Variants in SLC35E3 observed in about 807,000 individuals in gnomAD.
SLC35E3 encodes solute carrier family 35 member E3.
A neutral mutation model predicts 30.8 loss-of-function variants in SLC35E3; 28 were observed. The observed-to-expected ratio is 0.91, with a 90% CI of 0.67 to 1.25. SLC35E3 has a LOEUF of 1.25. SLC35E3 is among the 50% of genes most tolerant of loss of function. SLC35E3 has a pLI of 0.00. For synonymous variants in SLC35E3, 146 were observed against 149.2 expected (o/e 0.98, Z 0.16); for missense variants, 365 against 375.4 (o/e 0.97, Z 0.23).
Position 68,779,375 on chromosome 12 carries a change from G to A in SLC35E3, c.*14485G>A, listed in dbSNP as rs1472302853. 1 of 152,180 alleles carries A rather than the reference G, an allele frequency of 6.6e-6. No individual in the cohort carries two copies. The highest frequency in any genetic ancestry group is 6.5e-5 in the Admixed American group (1 of 15,272). The allele number at this position is 152,180 out of a possible 1,614,324, so 9.4% of individuals were successfully genotyped here. A position where few individuals can be genotyped will look rare whatever the true frequency, so the allele number is the denominator to read the frequency against. ...TTAAGCCATCTTTAAGAAACTTAAT[G>A]TTGAGAATGTTCTAGAATAGTGAGT... On this transcript the variant is annotated 3_prime_UTR_variant, in exon 5 of 5. Coordinates refer to ENST00000398004, the MANE Select transcript of SLC35E3 (RefSeq NM_018656.5).
intron 4 of SLC35E3, among the ~76,000 whole-genome samples, chr12:68,763,320 G>A (rs1049047267): frequency 6.6e-6 from 1 of 152,076 alleles, no homozygotes; most frequent in Non-Finnish European, 1.5e-5. Flanking sequence ...GAACAAGAGA[G>A]TACTCATTTA....
At chr12:68,759,265 T>A (rs1168028176) in intron 4 of SLC35E3, 26 bp downstream of exon 4, 2 of 1,535,070 alleles carry the variant, frequency 1.3e-6, no homozygotes, top group Admixed American at 3.5e-5. Flanking sequence ...AACTTAGAAA[T>A]GCATCGTCTT....
Position 68,778,423 on chromosome 12 carries a change from A to G in SLC35E3, c.*13533A>G, listed in dbSNP as rs1362872085. 1 of 152,248 alleles carries G rather than the reference A, an allele frequency of 6.6e-6. No homozygotes were observed. Among genetic ancestry groups the G allele is most frequent in the Non-Finnish European group, 1.5e-5 (1 of 68,048 alleles). The allele number at this position is 152,248 out of a possible 1,614,324, so 9.4% of individuals were successfully genotyped here. On this transcript the variant is annotated 3_prime_UTR_variant, in exon 5 of 5. Transcript: ENST00000398004. ...CCTTTCAAGTACCTGAGGAATGTTT[A>G]TAACAGTAAAGATGAACAGAGATCA...
At position 68,775,578 on chromosome 12, in the gene SLC35E3, C is replaced by G. The variant is rs1565722263; in HGVS notation, c.*10688C>G. On this transcript the variant is annotated 3_prime_UTR_variant, in exon 5 of 5. Transcript: ENST00000398004. ...CAGTCACCTTTTAAAGGCGCCATCT[C>G]TCAATATTGCCACATTGGGGATGTT... 1 of 152,220 alleles carries G rather than the reference C, an allele frequency of 6.6e-6. No homozygotes were observed. Among genetic ancestry groups the G allele is most frequent in the African/African-American group, 2.4e-5 (1 of 41,438 alleles). The allele number at this position is 152,220 out of a possible 1,614,324, so 9.4% of individuals were successfully genotyped here. A position where few individuals can be genotyped will look rare whatever the true frequency, so the allele number is the denominator to read the frequency against.
rs776965924 is a variant in SLC35E3, at chr12:68,767,650, G to C, written c.*2760G>C. On this transcript the variant is annotated 3_prime_UTR_variant, in exon 5 of 5. Transcript: ENST00000398004. ...TATAATATACCTTTGGGGTTTTTAG[G>C]ATTTTTTTTTCCTGGACTCTGAAAT... 1 of 151,746 alleles carries C rather than the reference G, an allele frequency of 6.6e-6. No homozygotes were observed. Among genetic ancestry groups the C allele is most frequent in the Non-Finnish European group, 1.5e-5 (1 of 67,932 alleles). The allele number at this position is 151,746 out of a possible 1,614,324, so 9.4% of individuals were successfully genotyped here.
rs1332575381 is a variant in SLC35E3, at chr12:68,773,927, C to T, written c.*9037C>T. The T allele has an allele frequency of 6.6e-6, 1 of 152,174 alleles. No individual in the cohort carries two copies. The highest frequency in any genetic ancestry group is 6.5e-5 in the Admixed American group (1 of 15,282). The allele number at this position is 152,174 out of a possible 1,614,324, so 9.4% of individuals were successfully genotyped here. A position where few individuals can be genotyped will look rare whatever the true frequency, so the allele number is the denominator to read the frequency against. ...CTAGAAATACTAAATTCTCTTTTTA[C>T]CTCGTTGCCTTGTAGAGGGATGATC... On this transcript the variant is annotated 3_prime_UTR_variant, in exon 5 of 5. Coordinates refer to ENST00000398004, the MANE Select transcript of SLC35E3 (RefSeq NM_018656.5).
chr12:68,747,268 T>C (rs995073085), intron 1 of SLC35E3, among the ~76,000 whole-genome samples: 3 of 149,192 alleles, frequency 2.0e-5, no homozygotes, highest in African/African-American at 7.3e-5. Context: ...GTCTTTTTCT[T>C]TTTTTTTTTT....
chr12:68,753,374 G>A lies in SLC35E3; in HGVS notation c.672+1184G>A, dbSNP rs189277053. On this transcript the variant is annotated intron_variant, in intron 3 of 4. Transcript: ENST00000398004. ...AGGCTGGGGTGGGAGGATCACTTGA[G>A]CCCAGGAGGTCGAGGCTGCAGTGAG... Among the ~76,000 whole-genome samples the A allele has an allele frequency of 2.0e-5, 3 of 151,840 alleles. No individual in the cohort carries two copies. In the East Asian group the frequency reaches 5.8e-4, roughly 29 times the overall value.
intron 4 of SLC35E3, among the ~76,000 whole-genome samples, chr12:68,764,259 C>T (rs895366279): frequency 5.9e-5 from 9 of 152,108 alleles, no homozygotes; most frequent in Admixed American, 1.3e-4. Context: ...ATGAATCAAT[C>T]GCTAAAACCT....
At chr12:68,761,242 A>C (rs1191796459) in intron 4 of SLC35E3, among the ~76,000 whole-genome samples, 1 of 152,210 alleles carries the variant, frequency 6.6e-6, no homozygotes, top group Non-Finnish European at 1.5e-5. Flanking sequence ...ATGATTTTAC[A>C]TACATTCTAA....
intron 3 of SLC35E3, among the ~76,000 whole-genome samples, chr12:68,753,018 C>G (rs1878860591): frequency 6.6e-6 from 1 of 151,218 alleles, no homozygotes; most frequent in Admixed American, 6.6e-5. Context: ...TGGTGGCACA[C>G]ACCTATAATC....
At chr12:68,755,888 G>A (rs1878981913) in intron 3 of SLC35E3, among the ~76,000 whole-genome samples, 1 of 152,070 alleles carries the variant, frequency 6.6e-6, no homozygotes, top group African/African-American at 2.4e-5. Context: ...ATGAGATTTG[G>A]AGGGAACAAA....
intron 4 of SLC35E3, among the ~76,000 whole-genome samples, chr12:68,762,457 C>T (rs1385082235): frequency 3.9e-5 from 6 of 152,062 alleles, no homozygotes; most frequent in Non-Finnish European, 8.8e-5. Context: ...TTCAAGGAGA[C>T]TGGTCACCAT....
chr12:68,755,027 A>G (rs183386722), intron 3 of SLC35E3, among the ~76,000 whole-genome samples: 2 of 152,328 alleles, frequency 1.3e-5, no homozygotes, highest in East Asian at 3.9e-4. Context: ...GGCTGCCAGT[A>G]TGGTTGGGTT....
Position 68,747,309 on chromosome 12 carries a change from G to A in SLC35E3, c.402+530G>A, listed in dbSNP as rs1335959375. ...TTTGAGACGGAATTTCACTCTTGTTGCCCAGGCTGGAGTGCAATGGCACGA... is the reference window on the plus strand; with the variant it reads ...TTTGAGACGGAATTTCACTCTTGTTACCCAGGCTGGAGTGCAATGGCACGA... On this transcript the variant is annotated intron_variant, in intron 1 of 4. Transcript: ENST00000398004. Among the ~76,000 whole-genome samples the A allele has an allele frequency of 8.4e-5, 12 of 143,518 alleles. No individual in the cohort carries two copies. In the East Asian group the frequency reaches 2.0e-3, roughly 24 times the overall value. 94.2% of individuals were successfully genotyped at this position (143,518 alleles called of 152,430 possible). A position where few individuals can be genotyped will look rare whatever the true frequency, so the allele number is the denominator to read the frequency against.
In SLC35E3 at chr12:68,759,167, T is replaced by C; in HGVS notation, c.683T>C (p.Leu228Pro). 1.2e-6 allele frequency: 2 copies of C among 1,611,828 alleles called. No homozygotes were observed. Among genetic ancestry groups the C allele is most frequent in the Non-Finnish European group, 1.7e-6 (2 of 1,178,192 alleles). ...PWSVSALLMV[L>P]LSGVIAFMVN... The stretch of plus-strand genomic sequence containing the variant: ...TTGGTTTATTTGTAGCTTATGGTGC[T>C]GCTATCTGGAGTAATAGCTTTCATG... The change falls in exon 4 of 5, where the codon CTG becomes CCG. Residue 228 changes from leucine to proline, a missense_variant. Transcript: ENST00000398004.
intron 4 of SLC35E3, among the ~76,000 whole-genome samples, chr12:68,759,770 A>C: frequency 6.6e-6 from 1 of 152,062 alleles, no homozygotes; most frequent in Non-Finnish European, 1.5e-5. Context: ...AATGTTTCTG[A>C]ATTTTCTTAT....
chr12:68,746,862 CTT>C lies in SLC35E3; in HGVS notation c.402+85_402+86del, dbSNP rs1224884826. ...CCGGGAAATTCGAACGCACACTGGT[CTT>C]TCCCTTCATCTTGAAATCCACAAAT... On this transcript the variant is annotated intron_variant, in intron 1 of 4. Coordinates refer to ENST00000398004, the MANE Select transcript of SLC35E3 (RefSeq NM_018656.5). 285 of 1,377,732 alleles carry C rather than the reference CTT, an allele frequency of 2.1e-4. 1 individual carries two copies. Among genetic ancestry groups the C allele is most frequent in the Non-Finnish European group, 9.0e-5 (91 of 1,013,850 alleles). 85.3% of individuals were successfully genotyped at this position (1,377,732 alleles called of 1,614,324 possible). A position where few individuals can be genotyped will look rare whatever the true frequency, so the allele number is the denominator to read the frequency against.
rs554275376 is a variant in SLC35E3 at position 68,753,702 on chromosome 12, C to T, written c.672+1512C>T. 2.6e-4 allele frequency among the ~76,000 whole-genome samples: 40 copies of T among 151,868 alleles called. 1 individual carries two copies. The South Asian group carries it at 4.2e-3, about 16-fold the overall frequency. ...CACACACTCTTCCACATTCCATTAC[C>T]CCCTAATCTTCCACATTCCATTACC... On this transcript the variant is annotated intron_variant, in intron 3 of 4. Coordinates refer to ENST00000398004, the MANE Select transcript of SLC35E3 (RefSeq NM_018656.5).
Sources: allele counts gnomAD v4.1 joint callset (sites outside exome capture counted in the v4.1 genomes callset), GRCh38; gene constraint gnomAD v4.1.1; transcripts MANE v1.5; gene names NCBI Gene and HGNC (gene_info 2026-07-23, HGNC 2026-07-21).